FNBP1: variants seen among roughly 807,000 people sequenced by gnomAD.
The protein encoded by FNBP1 is formin-binding protein 1.
A neutral mutation model predicts 90.6 loss-of-function variants in FNBP1; 26 were observed. That is an observed-to-expected ratio of 0.29 (90% CI 0.21 to 0.40). The LOEUF (loss-of-function observed/expected upper bound fraction) is 0.40, where lower values mean the gene tolerates loss of function less well. Ranked by LOEUF, FNBP1 falls within the 10% of genes least tolerant of loss-of-function variation. FNBP1 has a pLI of 1.00. For missense variants in FNBP1, 635 were observed against 768.0 expected, an observed-to-expected ratio of 0.83 and a Z score of 2.05; for synonymous variants, 260 against 265.2, an observed-to-expected ratio of 0.98 and a Z score of 0.19.
At chr9:130,029,727 T>C (rs1444020875) in intron 1 of FNBP1, among the ~76,000 whole-genome samples, 1 of 152,290 alleles carries the variant, frequency 6.6e-6, no homozygotes, top group East Asian at 1.9e-4. Flanking sequence ...CTCACACCTG[T>C]AATCCCAGCA....
intron 6 of FNBP1, among the ~76,000 whole-genome samples, chr9:129,949,607 T>C (rs748762959): frequency 6.6e-6 from 1 of 152,028 alleles, no homozygotes; most frequent in African/African-American, 2.4e-5. Flanking sequence ...CACACCTGCA[T>C]TGCCAGACTT....
Position 129,969,203 on chromosome 9 carries a change from G to A in FNBP1, c.345+9262C>T, listed in dbSNP as rs115024898. Among the ~76,000 whole-genome samples the A allele has an allele frequency of 6.3e-3, 960 of 152,260 alleles. 13 individuals are homozygous for A. Among genetic ancestry groups the A allele is most frequent in the African/African-American group, 0.022 (926 of 41,556 alleles). ...CCACACCCATGTTGATCATTTCAGTGACATTTGGAAATCTATCTATAAGTC... is the reference window on the plus strand; with the variant it reads ...CCACACCCATGTTGATCATTTCAGTAACATTTGGAAATCTATCTATAAGTC... On this transcript the variant is annotated intron_variant, in intron 4 of 16. Transcript: ENST00000446176.
chr9:129,946,076 C>G (rs1013678339), intron 6 of FNBP1, among the ~76,000 whole-genome samples: 3 of 151,776 alleles, frequency 2.0e-5, no homozygotes, highest in Non-Finnish European at 2.9e-5. Flanking sequence ...GGCTGAGGCA[C>G]GAGAATCACT....
At chr9:129,951,124 CTT>C (rs1332693321) in intron 6 of FNBP1, among the ~76,000 whole-genome samples, 1 of 151,694 alleles carries the variant, frequency 6.6e-6, no homozygotes, top group Non-Finnish European at 1.5e-5. Flanking sequence ...GCCTGGCTAA[CTT>C]TTGTATTTTT....
intron 1 of FNBP1, among the ~76,000 whole-genome samples, chr9:130,026,760 C>A (rs1279149923): frequency 6.6e-6 from 1 of 151,910 alleles, no homozygotes; most frequent in Non-Finnish European, 1.5e-5. Context: ...TGAGACCAAC[C>A]TGGGTAACAT....
In FNBP1 at chr9:129,915,508, C is replaced by T. The variant is rs112080331; in HGVS notation, c.1185+458G>A. Among the ~76,000 whole-genome samples the T allele has an allele frequency of 2.4e-3, 367 of 152,104 alleles. 1 individual carries two copies. Among genetic ancestry groups the T allele is most frequent in the African/African-American group, 7.7e-3 (319 of 41,520 alleles). On this transcript the variant is annotated intron_variant, in intron 11 of 16. Transcript: ENST00000446176. ...CCTCCCAAGTAGCTGGGACTACAGG[C>T]GCACGCTGCCACGCCCGGCTAATTT... is the stretch of plus-strand genomic sequence containing the variant.
upstream of FNBP1, among the ~76,000 whole-genome samples, chr9:130,043,521 C>T (rs1291081243): frequency 6.6e-6 from 1 of 152,258 alleles, no homozygotes; most frequent in Non-Finnish European, 1.5e-5. Context: ...TCTGAGATCG[C>T]TCCCCTGCGC....
At chr9:129,944,173 C>T (rs10118313) in intron 6 of FNBP1, among the ~76,000 whole-genome samples, 136,955 of 151,816 alleles carry the variant, frequency 0.9, 61,915 homozygotes, top group Non-Finnish European at 0.92. Flanking sequence ...GTATCTATTA[C>T]AGTCCTACTG....
At position 130,033,909 on chromosome 9, in the gene FNBP1, G is replaced by A. The variant is rs374793544; in HGVS notation, c.24+9043C>T. 2.8e-3 allele frequency among the ~76,000 whole-genome samples: 425 copies of A among 151,200 alleles called. 7 individuals are homozygous for A. Among genetic ancestry groups the A allele is most frequent in the African/African-American group, 9.9e-3 (406 of 41,194 alleles). On this transcript the variant is annotated intron_variant, in intron 1 of 16. Coordinates refer to ENST00000446176, the MANE Select transcript of FNBP1 (RefSeq NM_015033.3). Reference sequence around the variant, plus strand: ...CGGGTGCCTGTAGTCCCAGCTACTCGGGAGGCTGAGGCAGGAGAATGGCAT... The same window carrying A: ...CGGGTGCCTGTAGTCCCAGCTACTCAGGAGGCTGAGGCAGGAGAATGGCAT...
intron 13 of FNBP1, 76 bp downstream of exon 13, chr9:129,902,793 G>C: frequency 1.4e-6 from 2 of 1,476,312 alleles, no homozygotes; most frequent in Non-Finnish European, 1.9e-6. Flanking sequence ...GGATCGTCAG[G>C]GCCCCACACC....
intron 1 of FNBP1, among the ~76,000 whole-genome samples, chr9:129,998,831 TAA>T (rs1356032426): frequency 6.6e-6 from 1 of 152,218 alleles, no homozygotes; most frequent in Non-Finnish European, 1.5e-5. Context: ...ATGTTTTCCA[TAA>T]AGTTATCTCT....
chr9:130,052,489 G>A, the FNBP1 span, among the ~76,000 whole-genome samples: 1 of 151,990 alleles, frequency 6.6e-6, no homozygotes, highest in African/African-American at 2.4e-5. Flanking sequence ...CTGGAGTGCA[G>A]TGGCATGATC....
intron 4 of FNBP1, among the ~76,000 whole-genome samples, chr9:129,959,626 T>C (rs2132879258): frequency 6.6e-6 from 1 of 152,200 alleles, no homozygotes; most frequent in Non-Finnish European, 1.5e-5. Context: ...TGAAGACATA[T>C]ATGCCACTTG....
chr9:130,034,756 A>T (rs1168467673), intron 1 of FNBP1, among the ~76,000 whole-genome samples: 1 of 152,188 alleles, frequency 6.6e-6, no homozygotes, highest in African/African-American at 2.4e-5. Context: ...GATTCTCAAT[A>T]TGAATAACAT....
At chr9:129,969,880 T>C (rs1040751436) in intron 4 of FNBP1, among the ~76,000 whole-genome samples, 1 of 142,876 alleles carries the variant, frequency 7.0e-6, no homozygotes. Flanking sequence ...GTAGGATTAA[T>C]ATTCCTAACT....
intron 1 of FNBP1, among the ~76,000 whole-genome samples, chr9:130,007,018 G>A (rs2131582183): frequency 6.6e-6 from 1 of 151,978 alleles, no homozygotes; most frequent in Non-Finnish European, 1.5e-5. Context: ...AGGATCATTT[G>A]GGCCCAGGAG....
intron 4 of FNBP1, among the ~76,000 whole-genome samples, chr9:129,978,123 C>T (rs1266248978): frequency 1.3e-5 from 2 of 151,968 alleles, no homozygotes; most frequent in Non-Finnish European, 2.9e-5. Context: ...CAGGTTCAAG[C>T]GTTTCTCCTG....
At position 130,041,761 on chromosome 9, in the gene FNBP1, T is replaced by C. The variant is rs937258331; in HGVS notation, c.24+1191A>G. 3.9e-5 allele frequency among the ~76,000 whole-genome samples: 6 copies of C among 152,086 alleles called. No homozygotes were observed. Among genetic ancestry groups the C allele is most frequent in the African/African-American group, 1.4e-4 (6 of 41,430 alleles). ...CTAACAAATGGTTATGTAAAAACAA[T>C]TAAAGCAAAAGAAAACAAAACAAAA... On this transcript the variant is annotated intron_variant, in intron 1 of 16. Coordinates refer to ENST00000446176, the MANE Select transcript of FNBP1 (RefSeq NM_015033.3). The surrounding 1 kb of genome is among the most constrained non-coding windows in gnomAD (Gnocchi z 4.3).
upstream of FNBP1, among the ~76,000 whole-genome samples, chr9:130,046,580 C>CAA (rs56392821): frequency 1.5e-3 from 100 of 66,770 alleles, no homozygotes; most frequent in African/African-American, 2.3e-3. Context: ...ACTAAAAATA[C>CAA]AAAAAAAAAA....
Sources: allele counts gnomAD v4.1 joint callset (sites outside exome capture counted in the v4.1 genomes callset), GRCh38; gene constraint gnomAD v4.1.1; non-coding constraint Gnocchi (gnomAD v3.1); transcripts MANE v1.5; gene names NCBI Gene and HGNC (gene_info 2026-07-23, HGNC 2026-07-21).